PSD3: variants seen among roughly 807,000 people sequenced by gnomAD.
PSD3 encodes the protein PH and SEC7 domain-containing protein 3.
In PSD3, 49 loss-of-function variants were observed where a neutral mutation model predicts 105.5. The observed-to-expected ratio is 0.46, with a 90% confidence interval of 0.37 to 0.59. The LOEUF (loss-of-function observed/expected upper bound fraction) is 0.59, where lower values mean the gene tolerates loss of function less well. PSD3 is among the 20% of genes least tolerant of loss of function. The pLI is 0.00. For synonymous variants in PSD3, 557 were observed against 457.8 expected, an observed-to-expected ratio of 1.22 and a Z score of -2.77; for missense variants, 1,561 against 1,263.8, an observed-to-expected ratio of 1.24 and a Z score of -3.57.
At chr8:18,852,944 T>C (rs911640105) in intron 4 of PSD3, among the ~76,000 whole-genome samples, 1 of 152,144 alleles carries the variant, frequency 6.6e-6, no homozygotes, top group East Asian at 1.9e-4. Flanking sequence ...TTAGATACTA[T>C]TATCATTCCT....
intron 12 of PSD3, among the ~76,000 whole-genome samples, chr8:18,589,930 C>G (rs911751691): frequency 6.6e-6 from 1 of 152,166 alleles, no homozygotes. Flanking sequence ...ACTTAAACAT[C>G]TGTATTCCCT....
chr8:18,644,742 T>G (rs1266437961), intron 10 of PSD3, among the ~76,000 whole-genome samples: 1 of 152,148 alleles, frequency 6.6e-6, no homozygotes, highest in Non-Finnish European at 1.5e-5. Flanking sequence ...CCAAGGCCCC[T>G]TCCACATTTT....
At chr8:18,947,992 G>C (rs1822973103) in intron 1 of PSD3, among the ~76,000 whole-genome samples, 1 of 152,178 alleles carries the variant, frequency 6.6e-6, no homozygotes, top group African/African-American at 2.4e-5. Context: ...GACCTTCAAT[G>C]AAAGAATTTG....
At chr8:18,884,185 A>G (rs1818303439) in intron 2 of PSD3, among the ~76,000 whole-genome samples, 1 of 151,026 alleles carries the variant, frequency 6.6e-6, no homozygotes, top group Non-Finnish European at 1.5e-5. Flanking sequence ...ACAAATATAA[A>G]GAGCAAGCCT....
chr8:19,040,738 G>C (rs74475222), intron 1 of PSD3, among the ~76,000 whole-genome samples: 16,498 of 152,116 alleles, frequency 0.11, 980 homozygotes, highest in African/African-American at 0.15. Context: ...CAAGTGATGA[G>C]CTTACTGAAT....
intron 1 of PSD3, among the ~76,000 whole-genome samples, chr8:19,073,232 A>T (rs971064294): frequency 6.6e-6 from 1 of 152,138 alleles, no homozygotes; most frequent in Non-Finnish European, 1.5e-5. Flanking sequence ...TTAATGCTAC[A>T]AATTCTTTGG....
chr8:18,557,475 T>C (rs1801151236), intron 14 of PSD3: 1 of 154,194 alleles, frequency 6.5e-6, no homozygotes, highest in Non-Finnish European at 1.5e-5. Flanking sequence ...TACGGACTTT[T>C]GTAATAATGT....
chr8:18,718,852 C>G (rs1802766641), intron 9 of PSD3, among the ~76,000 whole-genome samples: 2 of 152,060 alleles, frequency 1.3e-5, no homozygotes, highest in Admixed American at 1.3e-4. Flanking sequence ...ATGGGAAAAT[C>G]AGGTTTTACA....
At chr8:18,650,694 G>C in intron 10 of PSD3, among the ~76,000 whole-genome samples, 1 of 152,346 alleles carries the variant, frequency 6.6e-6, no homozygotes, top group Non-Finnish European at 1.5e-5. Flanking sequence ...GCTGGATAGA[G>C]ATTGCAGAAT....
chr8:18,725,648 G>A (rs1803292663), intron 9 of PSD3, among the ~76,000 whole-genome samples: 1 of 152,134 alleles, frequency 6.6e-6, no homozygotes, highest in Non-Finnish European at 1.5e-5. Context: ...AAGACCCACT[G>A]AAAGGAACTT....
At chr8:18,998,333 A>G (rs4357330) in intron 1 of PSD3, among the ~76,000 whole-genome samples, 110,181 of 151,764 alleles carry the variant, frequency 0.73, 40,549 homozygotes, top group East Asian at 0.91. Context: ...GCCCTGAAAC[A>G]CTCCAAGGGT....
intron 14 of PSD3, among the ~76,000 whole-genome samples, chr8:18,568,539 C>T (rs1479771488): frequency 6.6e-6 from 1 of 152,094 alleles, no homozygotes; most frequent in Non-Finnish European, 1.5e-5. Context: ...CAGCCTGTTT[C>T]CTCTACTTCC....
chr8:18,550,094 A>C (rs564939482), intron 15 of PSD3, among the ~76,000 whole-genome samples: 1 of 152,292 alleles, frequency 6.6e-6, no homozygotes, highest in African/African-American at 2.4e-5. Flanking sequence ...ACCTTTACCC[A>C]ATAGAGTGAC....
At chr8:18,679,510 A>ACCTT (rs1800264187) in intron 9 of PSD3, among the ~76,000 whole-genome samples, 1 of 152,192 alleles carries the variant, frequency 6.6e-6, no homozygotes, top group African/African-American at 2.4e-5. Flanking sequence ...ATATAAAACT[A>ACCTT]CCTTTGTTAA....
chr8:18,912,444 T>C (rs900107302), intron 2 of PSD3, among the ~76,000 whole-genome samples: 7 of 151,608 alleles, frequency 4.6e-5, no homozygotes, highest in African/African-American at 1.7e-4. Flanking sequence ...ATAAAACTTT[T>C]GTACTTAAAT....
rs118090032 is a variant in PSD3 at position 18,859,381 on chromosome 8, G to A, written c.1634+8293C>T. On this transcript the variant is annotated intron_variant, in intron 4 of 15. Coordinates refer to ENST00000327040, the MANE Select transcript of PSD3 (RefSeq NM_015310.4). The stretch of plus-strand genomic sequence containing the variant: ...GATTTAAGGATAATTCTGAAGGGCC[G>A]TAGGATTTTGAGAAGGGAAAATGAG... Among the ~76,000 whole-genome samples the A allele has an allele frequency of 2.9e-3, 440 of 152,242 alleles. 2 individuals carry two copies. Among genetic ancestry groups the A allele is most frequent in the Non-Finnish European group, 4.0e-3 (274 of 68,020 alleles).
At chr8:19,066,111 C>G (rs539845783) in intron 1 of PSD3, among the ~76,000 whole-genome samples, 403 of 152,154 alleles carry the variant, frequency 2.6e-3, no homozygotes, top group African/African-American at 9.4e-3. Context: ...GGGATGCTGC[C>G]CAATTCATGA....
intron 8 of PSD3, among the ~76,000 whole-genome samples, chr8:18,786,340 A>G (rs1303054551): frequency 1.3e-5 from 2 of 152,262 alleles, no homozygotes; most frequent in South Asian, 4.1e-4. Flanking sequence ...TTTCTACTTT[A>G]AGGAATTATT....
chr8:18,897,637 T>C (rs1022121192), intron 2 of PSD3, among the ~76,000 whole-genome samples: 1 of 152,214 alleles, frequency 6.6e-6, no homozygotes, highest in Non-Finnish European at 1.5e-5. Flanking sequence ...TTCATGAAAA[T>C]GCAATGTGTT....
Sources: gnomAD v4.1 joint callset for allele counts (sites outside exome capture counted in the v4.1 genomes callset) on GRCh38, gnomAD v4.1.1 for gene constraint, MANE v1.5 for transcripts, NCBI Gene and HGNC (gene_info 2026-07-23, HGNC 2026-07-21) for gene names.